Variants in NAALADL2 observed in about 807,000 individuals in gnomAD.
NAALADL2 encodes N-acetylated alpha-linked acidic dipeptidase like 2, also known as inactive N-acetylated-alpha-linked acidic dipeptidase-like protein 2.
Under a neutral mutation model 87.2 loss-of-function variants are expected in NAALADL2, and 76 were observed. The ratio of observed to expected loss-of-function variants is 0.87; its 90% confidence interval spans 0.72 to 1.05. NAALADL2 has a LOEUF of 1.05. Ranked by LOEUF, NAALADL2 falls within the 50% of genes least tolerant of loss-of-function variation. The pLI, the probability that NAALADL2 is intolerant of heterozygous loss-of-function variation, is 0.00. For synonymous variants in NAALADL2, 354 were observed against 331.0 expected (o/e 1.07, Z -0.75); for missense variants, 1,089 against 945.8 (o/e 1.15, Z -1.99).
chr3:175,479,071 T>C (rs1489075523), intron 9 of NAALADL2, among the ~76,000 whole-genome samples: 1 of 151,838 alleles, frequency 6.6e-6, no homozygotes, highest in African/African-American at 2.4e-5. Context: ...ATAATAACCG[T>C]CTCAAAAATA....
intron 1 of NAALADL2, chr3:174,540,842 T>TAAGAC (rs1285301540): frequency 1.3e-5 from 2 of 152,202 alleles, no homozygotes; most frequent in African/African-American, 2.4e-5. Context: ...ACTAAGAACT[T>TAAGAC]TACATGTGAG....
chr3:174,464,996 T>G (rs1716447771), intron 1 of NAALADL2, among the ~76,000 whole-genome samples: 1 of 152,094 alleles, frequency 6.6e-6, no homozygotes, highest in Non-Finnish European at 1.5e-5. Flanking sequence ...TATAAAGGCC[T>G]AAAAACTTTG....
At chr3:174,860,879 T>G (rs1406108763) in intron 1 of NAALADL2, among the ~76,000 whole-genome samples, 1 of 152,094 alleles carries the variant, frequency 6.6e-6, no homozygotes, top group Non-Finnish European at 1.5e-5. Context: ...TACATATGTT[T>G]CACTGTGTAA....
At position 175,809,929 on chromosome 3, in the gene NAALADL2, G is replaced by A. The variant is rs987366704; in HGVS notation, c.*6726G>A. Reference sequence around the variant, plus strand: ...AAATTAACCCAGGGTAAAATTTGGAGGAAAATTTTTCCAAATAAATTTGCT... The same window carrying A: ...AAATTAACCCAGGGTAAAATTTGGAAGAAAATTTTTCCAAATAAATTTGCT... On this transcript the variant is annotated 3_prime_UTR_variant, in exon 14 of 14. Transcript: ENST00000454872. 6.6e-6 allele frequency: 1 copy of A among 151,856 alleles called. No individual in the cohort carries two copies. The highest frequency in any genetic ancestry group is 1.5e-5 in the Non-Finnish European group (1 of 67,928). The allele number at this position is 151,856 out of a possible 1,614,324, so 9.4% of individuals were successfully genotyped here.
chr3:175,201,362 T>C (rs1739997761), intron 2 of NAALADL2, among the ~76,000 whole-genome samples: 1 of 152,190 alleles, frequency 6.6e-6, no homozygotes, highest in Non-Finnish European at 1.5e-5. Flanking sequence ...CCCCCATCAG[T>C]AGCTAAAATA....
intron 1 of NAALADL2, among the ~76,000 whole-genome samples, chr3:175,065,200 G>A (rs113401726): frequency 0.022 from 3,409 of 152,194 alleles, 55 homozygotes; most frequent in South Asian, 0.035. Flanking sequence ...ACTTACCTGG[G>A]CACTGTGCTG....
At position 175,319,548 on chromosome 3, in the gene NAALADL2, G is replaced by A. The variant is rs546352952; in HGVS notation, c.940-4627G>A. 3.9e-5 allele frequency among the ~76,000 whole-genome samples: 6 copies of A among 152,278 alleles called. No homozygotes were observed. The East Asian group carries it at 5.8e-4, about 15-fold the overall frequency. The stretch of plus-strand genomic sequence containing the variant: ...CTTTAAGAATTGCTGGGCAGGGCGC[G>A]GTGGCTCACACCTATAATCCCAGCC... On this transcript the variant is annotated intron_variant, in intron 4 of 13. Transcript: ENST00000454872.
At chr3:175,210,696 A>G (rs1354149397) in intron 2 of NAALADL2, among the ~76,000 whole-genome samples, 1 of 151,646 alleles carries the variant, frequency 6.6e-6, no homozygotes, top group Non-Finnish European at 1.5e-5. Context: ...TCAAAATAAT[A>G]TGAGATGACC....
intron 1 of NAALADL2, among the ~76,000 whole-genome samples, chr3:175,081,980 T>TGAA (rs1181790700): frequency 6.6e-6 from 1 of 152,208 alleles, no homozygotes; most frequent in Non-Finnish European, 1.5e-5. Context: ...ATTTTTTCAC[T>TGAA]GAAGTCTCAC....
chr3:175,337,009 A>G (rs975738153), intron 5 of NAALADL2, among the ~76,000 whole-genome samples: 1 of 152,292 alleles, frequency 6.6e-6, no homozygotes, highest in Admixed American at 6.5e-5. Flanking sequence ...TATTTCTAGA[A>G]TACATCTCAT....
chr3:174,863,315 C>A (rs1726731298), intron 1 of NAALADL2, among the ~76,000 whole-genome samples: 1 of 152,002 alleles, frequency 6.6e-6, no homozygotes, highest in Non-Finnish European at 1.5e-5. Context: ...TAATGTTTTC[C>A]ATATTGACGT....
intron 2 of NAALADL2, among the ~76,000 whole-genome samples, chr3:175,157,603 C>G (rs985131855): frequency 1.4e-4 from 22 of 152,026 alleles, no homozygotes; most frequent in African/African-American, 5.3e-4. Context: ...TTCTTCCATC[C>G]ACATTTGAAC....
intron 2 of NAALADL2, among the ~76,000 whole-genome samples, chr3:175,126,514 A>T (rs2108598906): frequency 6.6e-6 from 1 of 152,264 alleles, no homozygotes; most frequent in African/African-American, 2.4e-5. Flanking sequence ...ATTCAATCTT[A>T]GTTCCAAGAT....
Position 175,807,855 on chromosome 3 carries a change from C to T in NAALADL2, c.*4652C>T, listed in dbSNP as rs1754842982. The T allele has an allele frequency of 6.6e-6, 1 of 151,842 alleles. No homozygotes were observed. Among genetic ancestry groups the T allele is most frequent in the African/African-American group, 2.4e-5 (1 of 41,400 alleles). The allele number at this position is 151,842 out of a possible 1,614,324, so 9.4% of individuals were successfully genotyped here. On this transcript the variant is annotated 3_prime_UTR_variant, in exon 14 of 14. Transcript: ENST00000454872. ...AAACCCTCACAGAGTTCTAAACATCCCATTCATTGAAAATAATTTTCAGTT... is the reference window on the plus strand; with the variant it reads ...AAACCCTCACAGAGTTCTAAACATCTCATTCATTGAAAATAATTTTCAGTT...
At chr3:174,955,334 A>G (rs1423621643) in intron 1 of NAALADL2, among the ~76,000 whole-genome samples, 1 of 152,150 alleles carries the variant, frequency 6.6e-6, no homozygotes, top group Non-Finnish European at 1.5e-5. Context: ...ATAAGTTCAG[A>G]GAAGTTTCAC....
chr3:175,403,103 G>T (rs938943303), intron 5 of NAALADL2, among the ~76,000 whole-genome samples: 2 of 151,982 alleles, frequency 1.3e-5, no homozygotes, highest in African/African-American at 4.8e-5. Context: ...AATGCTGAAT[G>T]CGAGAAGGAT....
At chr3:174,703,845 C>T (rs1260491392) in intron 2 of NAALADL2, among the ~76,000 whole-genome samples, 1 of 152,106 alleles carries the variant, frequency 6.6e-6, no homozygotes, top group Non-Finnish European at 1.5e-5. Context: ...TTGCTTCACC[C>T]TGTGATAGAT....
At chr3:175,564,722 G>T (rs1243267160) in intron 9 of NAALADL2, among the ~76,000 whole-genome samples, 1 of 152,200 alleles carries the variant, frequency 6.6e-6, no homozygotes, top group Non-Finnish European at 1.5e-5. Flanking sequence ...TATGGGAATT[G>T]TACCCAGAGG....
intron 12 of NAALADL2, among the ~76,000 whole-genome samples, chr3:175,752,471 CTT>C (rs550033263): frequency 2.6e-4 from 39 of 152,016 alleles, no homozygotes; most frequent in Non-Finnish European, 5.4e-4. Flanking sequence ...TCTTTCTGGT[CTT>C]ATTTAAAAGA....
Sources: allele counts gnomAD v4.1 joint callset (sites outside exome capture counted in the v4.1 genomes callset), GRCh38; gene constraint gnomAD v4.1.1; transcripts MANE v1.5; gene names NCBI Gene and HGNC (gene_info 2026-07-23, HGNC 2026-07-21).